SIL1: variants seen among roughly 807,000 people sequenced by gnomAD.
SIL1 encodes the protein nucleotide exchange factor SIL1.
In SIL1, 40 loss-of-function variants were observed where a neutral mutation model predicts 49.1. That is an observed-to-expected ratio of 0.81 (90% CI 0.63 to 1.06). SIL1 has a LOEUF of 1.06. Among genes scored for constraint, SIL1 ranks in the 50% least tolerant of loss-of-function variants. SIL1 has a pLI of 0.00. For synonymous variants in SIL1, 253 were observed against 250.8 expected (o/e 1.01, Z -0.08); for missense variants, 500 against 572.6 (o/e 0.87, Z 1.29).
intron 1 of SIL1, among the ~76,000 whole-genome samples, chr5:139,192,416 A>AT (rs1482780654): frequency 1.3e-5 from 2 of 152,182 alleles, no homozygotes; most frequent in Admixed American, 1.3e-4. Context: ...GCCAGTGATG[A>AT]TAAGTGGTAA....
chr5:138,978,835 T>C (rs904770900), intron 7 of SIL1, among the ~76,000 whole-genome samples: 23 of 152,336 alleles, frequency 1.5e-4, no homozygotes, highest in African/African-American at 5.5e-4. Flanking sequence ...CAGCTGTCCA[T>C]TCAGATCCTT....
chr5:138,971,427 C>T (rs1186778463), intron 7 of SIL1, among the ~76,000 whole-genome samples: 1 of 152,148 alleles, frequency 6.6e-6, no homozygotes, highest in Non-Finnish European at 1.5e-5. Context: ...ATGCACAGGA[C>T]TTTTTCTACT....
At chr5:139,007,739 C>T (rs1393355143) in intron 7 of SIL1, among the ~76,000 whole-genome samples, 4 of 140,736 alleles carry the variant, frequency 2.8e-5, no homozygotes, top group Non-Finnish European at 4.6e-5. Flanking sequence ...TTGTCTTTGG[C>T]TCTGTTTATA....
At chr5:139,088,960 A>C (rs574820410) in intron 3 of SIL1, among the ~76,000 whole-genome samples, 11 of 152,106 alleles carry the variant, frequency 7.2e-5, no homozygotes, top group Non-Finnish European at 1.6e-4. Flanking sequence ...TAATAAACAT[A>C]CTGCATTCAA....
At chr5:139,140,479 C>T (rs998215111) in intron 1 of SIL1, among the ~76,000 whole-genome samples, 7 of 152,196 alleles carry the variant, frequency 4.6e-5, no homozygotes, top group African/African-American at 7.2e-5. Flanking sequence ...GCAACTGCAA[C>T]ATTTTATTTT....
rs147444910 is a variant in SIL1 at position 139,078,548 on chromosome 5, A to AG, written c.245-27503dup. On this transcript the variant is annotated intron_variant, in intron 3 of 9. Transcript: ENST00000394817. ...TGCTGGGGAGACGCAGAACAGCAGG[A>AG]GAAGGCAAGGCAACTTGCACAGGCC... 3.0e-4 allele frequency among the ~76,000 whole-genome samples: 45 copies of AG among 152,292 alleles called. 1 individual carries two copies. The East Asian group carries it at 8.3e-3, about 28-fold the overall frequency.
At chr5:139,025,780 G>C (rs1768632954) in intron 6 of SIL1, among the ~76,000 whole-genome samples, 1 of 152,110 alleles carries the variant, frequency 6.6e-6, no homozygotes, top group African/African-American at 2.4e-5. Flanking sequence ...TCTAATCTAA[G>C]GATTGGCAAA....
At chr5:138,969,425 A>G (rs1054860875) in intron 7 of SIL1, among the ~76,000 whole-genome samples, 2 of 152,102 alleles carry the variant, frequency 1.3e-5, no homozygotes, top group African/African-American at 4.8e-5. Context: ...CCTTTCTGGG[A>G]CTCTAACACA....
chr5:139,046,306 A>G (rs982191603), intron 4 of SIL1, among the ~76,000 whole-genome samples: 1 of 151,796 alleles, frequency 6.6e-6, no homozygotes, highest in Non-Finnish European at 1.5e-5. Flanking sequence ...CAGCCTGGGT[A>G]GCAGAGCAAG....
Position 138,956,637 on chromosome 5 carries a change from G to T in SIL1, c.768-4753C>A, listed in dbSNP as rs530744267. On this transcript the variant is annotated intron_variant, in intron 7 of 9. Transcript: ENST00000394817. ...AGGCACCTGTAATCTCAGCTACTCG[G>T]GAGGCTAAGGCAGGAGAATCGCTTG... is the stretch of plus-strand genomic sequence containing the variant. 3.0e-3 allele frequency among the ~76,000 whole-genome samples: 458 copies of T among 152,050 alleles called. 1 individual carries two copies. Among genetic ancestry groups the T allele is most frequent in the African/African-American group, 1.0e-2 (414 of 41,458 alleles).
chr5:139,055,772 C>A (rs1451866522), intron 3 of SIL1, among the ~76,000 whole-genome samples: 1 of 147,218 alleles, frequency 6.8e-6, no homozygotes, highest in Non-Finnish European at 1.5e-5. Flanking sequence ...ACCTCCCTGC[C>A]TGATTCTCCT....
rs140792595 is a variant in SIL1 at position 139,040,484 on chromosome 5, C to CTTTTTTTTTTTTTTTTTTTTTT, written c.453+2135_453+2136insAAAAAAAAAAAAAAAAAAAAAA. ...TTGCAAGGGGAGAGGAGTATTTTTT[C>CTTTTTTTTTTTTTTTTTTTTTT]TTTTTTCTTTTTTCTTTTTTTTTTT... is the stretch of plus-strand genomic sequence containing the variant. On this transcript the variant is annotated intron_variant, in intron 5 of 9. Coordinates refer to ENST00000394817, the MANE Select transcript of SIL1 (RefSeq NM_022464.5). Among the ~76,000 whole-genome samples, 8 of 89,410 alleles carry CTTTTTTTTTTTTTTTTTTTTTT rather than the reference C, an allele frequency of 8.9e-5. 2 individuals are homozygous for CTTTTTTTTTTTTTTTTTTTTTT. The highest frequency in any genetic ancestry group is 2.1e-4 in the African/African-American group (4 of 19,498). 58.7% of individuals were successfully genotyped at this position (89,410 alleles called of 152,430 possible). A position where few individuals can be genotyped will look rare whatever the true frequency, so the allele number is the denominator to read the frequency against.
chr5:139,180,381 C>CA (rs35534058), intron 1 of SIL1, among the ~76,000 whole-genome samples: 25,585 of 56,716 alleles, frequency 0.45, 6,119 homozygotes, highest in Non-Finnish European at 0.56. Flanking sequence ...AACTCCATCT[C>CA]AAAAAAAAAA....
intron 7 of SIL1, among the ~76,000 whole-genome samples, chr5:138,963,793 G>A (rs935014375): frequency 2.0e-5 from 3 of 152,194 alleles, no homozygotes; most frequent in African/African-American, 7.2e-5. Flanking sequence ...GTTTTCCGTG[G>A]GGGCGGATCA....
At chr5:138,987,342 G>A (rs1339781395) in intron 7 of SIL1, among the ~76,000 whole-genome samples, 2 of 151,502 alleles carry the variant, frequency 1.3e-5, no homozygotes, top group Non-Finnish European at 2.9e-5. Context: ...CAAACTCCTG[G>A]CCTCAATTGA....
At chr5:139,122,402 G>T (rs1750659537) in intron 2 of SIL1, among the ~76,000 whole-genome samples, 1 of 152,114 alleles carries the variant, frequency 6.6e-6, no homozygotes, top group Admixed American at 6.6e-5. Flanking sequence ...AGACCAGCCT[G>T]GGCAACACCA....
At chr5:139,184,669 C>G (rs1320061864) in intron 1 of SIL1, among the ~76,000 whole-genome samples, 1 of 152,044 alleles carries the variant, frequency 6.6e-6, no homozygotes, top group Non-Finnish European at 1.5e-5. Context: ...GAGATGTTGT[C>G]TCTAAAAAAA....
intron 7 of SIL1, among the ~76,000 whole-genome samples, chr5:138,968,179 T>C (rs1313933983): frequency 6.6e-6 from 1 of 152,018 alleles, no homozygotes; most frequent in Non-Finnish European, 1.5e-5. Context: ...TGCCCTGGGT[T>C]GCAGGTACCT....
chr5:139,126,848 C>T (rs1750763115), intron 2 of SIL1, among the ~76,000 whole-genome samples: 1 of 152,200 alleles, frequency 6.6e-6, no homozygotes, highest in Non-Finnish European at 1.5e-5. Flanking sequence ...CAAGGACCTC[C>T]CGCTCCAGAG....
Sources: gnomAD v4.1 joint callset for allele counts (sites outside exome capture counted in the v4.1 genomes callset) on GRCh38, gnomAD v4.1.1 for gene constraint, MANE v1.5 for transcripts, NCBI Gene and HGNC (gene_info 2026-07-23, HGNC 2026-07-21) for gene names.